The following XIRP2 variants were observed in gnomAD, a reference collection of about 807,000 sequenced individuals.
XIRP2 encodes the protein xin actin-binding repeat-containing protein 2.
In XIRP2, 236 loss-of-function variants were observed where a neutral mutation model predicts 277.0. The ratio of observed to expected loss-of-function variants is 0.85; its 90% CI spans 0.77 to 0.95. The LOEUF (loss-of-function observed/expected upper bound fraction) is 0.95, where lower values mean the gene tolerates loss of function less well. Among genes scored for constraint, XIRP2 ranks in the 40% least tolerant of loss-of-function variants. The probability of loss-of-function intolerance (pLI) is 0.00; values close to 1 mark genes in which losing one functional copy is unlikely to be tolerated. For missense variants in XIRP2, 4,640 were observed against 4,157.5 expected, an observed-to-expected ratio of 1.12 and a Z score of -3.19; for synonymous variants, 1,490 against 1,416.5, an observed-to-expected ratio of 1.05 and a Z score of -1.17.
chr2:166,945,481 A>G (rs1685834046), intron 2 of XIRP2, among the ~76,000 whole-genome samples: 13 of 152,042 alleles, frequency 8.6e-5, no homozygotes, highest in Admixed American at 8.5e-4. Context: ...TAAAAATCAA[A>G]AAAAGTAAAT....
chr2:167,182,175 A>C (rs969081175), intron 3 of XIRP2, among the ~76,000 whole-genome samples: 6 of 152,340 alleles, frequency 3.9e-5, no homozygotes, highest in Non-Finnish European at 8.8e-5. Context: ...TTATGCTTAC[A>C]TGACACTTGA....
At chr2:167,133,756 CA>C (rs1280810132) in intron 2 of XIRP2, among the ~76,000 whole-genome samples, 33 of 152,272 alleles carry the variant, frequency 2.2e-4, no homozygotes, top group African/African-American at 7.5e-4. Flanking sequence ...ACAAAACAAG[CA>C]AACATACTGC....
At chr2:166,932,216 CTTTTTT>C (rs373806059) in intron 2 of XIRP2, among the ~76,000 whole-genome samples, 1 of 141,402 alleles carries the variant, frequency 7.1e-6, no homozygotes, top group Non-Finnish European at 1.6e-5. Context: ...CTCTCTCTCT[CTTTTTT>C]TTTTTTTTAA....
chr2:166,981,894 A>T (rs1190605612), intron 2 of XIRP2, among the ~76,000 whole-genome samples: 1 of 152,220 alleles, frequency 6.6e-6, no homozygotes, highest in Non-Finnish European at 1.5e-5. Context: ...TATACTTTAA[A>T]TAAGATGAAA....
rs546701711 is a variant in XIRP2, at chr2:167,153,638, T to C, written c.562+17576T>C. ...GTGTTCTCATTGTTCAATTCCCACCTATGAGTGAGAATGTACGGTGTTTGG... is the reference window on the plus strand; with the variant it reads ...GTGTTCTCATTGTTCAATTCCCACCCATGAGTGAGAATGTACGGTGTTTGG... On this transcript the variant is annotated intron_variant, in intron 3 of 10. Coordinates refer to ENST00000409195, the MANE Select transcript of XIRP2 (RefSeq NM_152381.6). 3.3e-5 allele frequency among the ~76,000 whole-genome samples: 5 copies of C among 150,474 alleles called. No homozygotes were observed. The South Asian group carries it at 1.1e-3, about 32-fold the overall frequency.
At chr2:167,013,820 C>A (rs573686150) in intron 2 of XIRP2, among the ~76,000 whole-genome samples, 1 of 151,170 alleles carries the variant, frequency 6.6e-6, no homozygotes, top group Non-Finnish European at 1.5e-5. Flanking sequence ...TACATGCAAT[C>A]TTTTCATGTA....
chr2:167,076,102 T>A (rs567822408), intron 2 of XIRP2, among the ~76,000 whole-genome samples: 127 of 152,250 alleles, frequency 8.3e-4, no homozygotes, highest in African/African-American at 2.9e-3. Context: ...GAGGATGGTA[T>A]CATGAGAGTG....
chr2:167,045,860 C>T (rs1396314817), intron 2 of XIRP2, among the ~76,000 whole-genome samples: 1 of 152,008 alleles, frequency 6.6e-6, no homozygotes, highest in East Asian at 1.9e-4. Flanking sequence ...AATTATCATT[C>T]AACCCAACAA....
intron 3 of XIRP2, among the ~76,000 whole-genome samples, chr2:167,173,591 T>A (rs1167080661): frequency 6.6e-6 from 1 of 152,226 alleles, no homozygotes; most frequent in Non-Finnish European, 1.5e-5. Context: ...GCAATAAACA[T>A]GAGAGTGCAG....
chr2:166,931,056 A>C (rs747257411), intron 2 of XIRP2, among the ~76,000 whole-genome samples: 7 of 152,196 alleles, frequency 4.6e-5, no homozygotes, highest in Admixed American at 1.3e-4. Flanking sequence ...ATTGCAGGAC[A>C]TGTCATGAGC....
intron 2 of XIRP2, among the ~76,000 whole-genome samples, chr2:166,997,242 C>T (rs1687245348): frequency 6.6e-6 from 1 of 152,140 alleles, no homozygotes; most frequent in Non-Finnish European, 1.5e-5. Flanking sequence ...ACATTCTTAA[C>T]CCTATTTGTT....
At chr2:167,104,194 G>T (rs551147063) in intron 2 of XIRP2, among the ~76,000 whole-genome samples, 1 of 151,982 alleles carries the variant, frequency 6.6e-6, no homozygotes, top group African/African-American at 2.4e-5. Context: ...ATTTTTACTT[G>T]GTTGGAATGA....
chr2:166,986,870 T>A (rs1687020893), intron 2 of XIRP2, among the ~76,000 whole-genome samples: 1 of 152,324 alleles, frequency 6.6e-6, no homozygotes, highest in South Asian at 2.1e-4. Flanking sequence ...TTGCACATAT[T>A]GAGGAAGAAG....
intron 2 of XIRP2, among the ~76,000 whole-genome samples, chr2:166,962,388 AG>A (rs1334765507): frequency 2.0e-5 from 3 of 151,628 alleles, no homozygotes; most frequent in Non-Finnish European, 3.0e-5. Context: ...AGCAGCTTAC[AG>A]GGGGGTAATA....
At chr2:167,134,066 A>G (rs1211250703) in intron 2 of XIRP2, among the ~76,000 whole-genome samples, 1 of 152,096 alleles carries the variant, frequency 6.6e-6, no homozygotes, top group Admixed American at 6.6e-5. Context: ...TTTTGGGAGT[A>G]TCCAAAGATG....
rs1428220862 is a variant in XIRP2, at chr2:167,076,443, G to A, written c.409-59466G>A. ...AGAAAATATTGTCTATTATTTGTAA[G>A]AGAAAACTCATAGAGGATAAGAAAA... On this transcript the variant is annotated intron_variant, in intron 2 of 10. Transcript: ENST00000409195. 2.0e-5 allele frequency among the ~76,000 whole-genome samples: 3 copies of A among 152,160 alleles called. No homozygotes were observed. In the East Asian group the frequency reaches 5.8e-4, roughly 29 times the overall value.
intron 3 of XIRP2, among the ~76,000 whole-genome samples, chr2:167,164,760 T>C (rs1011799221): frequency 6.6e-6 from 1 of 152,108 alleles, no homozygotes; most frequent in African/African-American, 2.4e-5. Context: ...CACAGAAAAA[T>C]TAAACAGAAG....
intron 2 of XIRP2, among the ~76,000 whole-genome samples, chr2:167,012,632 C>T (rs543401728): frequency 3.3e-5 from 5 of 151,612 alleles, no homozygotes; most frequent in African/African-American, 1.2e-4. Flanking sequence ...TATGTATTCT[C>T]GTCTCTATTT....
At chr2:167,047,029 C>T (rs1201948401) in intron 2 of XIRP2, among the ~76,000 whole-genome samples, 1 of 151,686 alleles carries the variant, frequency 6.6e-6, no homozygotes, top group Non-Finnish European at 1.5e-5. Context: ...AAATGAAATT[C>T]GTCTAAGATT....
Sources: allele counts gnomAD v4.1 joint callset (sites outside exome capture counted in the v4.1 genomes callset), GRCh38; gene constraint gnomAD v4.1.1; transcripts MANE v1.5; gene names NCBI Gene and HGNC (gene_info 2026-07-23, HGNC 2026-07-21).